The following ZNF618 variants were observed in gnomAD, a reference collection of about 807,000 sequenced individuals.
ZNF618 encodes neural precursor cell expressed, developmentally down-regulated 10.
In ZNF618, 34 loss-of-function variants were observed where a neutral mutation model predicts 103.0. The observed-to-expected ratio is 0.33, with a 90% CI of 0.25 to 0.44. The LOEUF (loss-of-function observed/expected upper bound fraction) is 0.44, where lower values mean the gene tolerates loss of function less well. ZNF618 is among the 20% of genes least tolerant of loss of function. ZNF618 has a pLI of 1.00. For synonymous variants in ZNF618, 551 were observed against 542.2 expected, an observed-to-expected ratio of 1.02 and a Z score of -0.23; for missense variants, 1,059 against 1,295.4, an observed-to-expected ratio of 0.82 and a Z score of 2.80.
chr9:113,905,006 G>T (rs553253758), intron 1 of ZNF618, among the ~76,000 whole-genome samples: 1 of 152,286 alleles, frequency 6.6e-6, no homozygotes, highest in Admixed American at 6.5e-5. Context: ...ACATGTCTTT[G>T]TTGGGTACAG....
In ZNF618 at chr9:113,962,784, A is replaced by G. The variant is rs183584216; in HGVS notation, c.34-6333A>G. ...TGTCCCCAGCATTCCTGACCACCCT[A>G]TCCTTCCCTGTTCATGACTCCCCCG... On this transcript the variant is annotated intron_variant, in intron 1 of 14. Transcript: ENST00000374126. Among the ~76,000 whole-genome samples, 14 of 152,008 alleles carry G rather than the reference A, an allele frequency of 9.2e-5. No individual in the cohort carries two copies. In the East Asian group the frequency reaches 2.7e-3, roughly 29 times the overall value.
intron 1 of ZNF618, among the ~76,000 whole-genome samples, chr9:113,946,879 C>G (rs1835087776): frequency 1.3e-5 from 2 of 152,204 alleles, no homozygotes; most frequent in African/African-American, 4.8e-5. Context: ...TACAGAATTC[C>G]TGACAGGTGT....
chr9:113,937,876 C>T (rs1834164451), intron 1 of ZNF618, among the ~76,000 whole-genome samples: 1 of 151,752 alleles, frequency 6.6e-6, no homozygotes. Context: ...AATTATGTGC[C>T]TTTTTTTTGT....
intron 13 of ZNF618, among the ~76,000 whole-genome samples, chr9:114,046,242 A>G (rs1845638361): frequency 6.6e-6 from 1 of 152,158 alleles, no homozygotes; most frequent in South Asian, 2.1e-4. Context: ...AGAACTTCTA[A>G]TACAGTCATG....
intron 11 of ZNF618, among the ~76,000 whole-genome samples, chr9:114,032,371 C>T (rs1231458836): frequency 6.6e-6 from 1 of 152,178 alleles, no homozygotes; most frequent in Non-Finnish European, 1.5e-5. Context: ...CATCTGCTCT[C>T]CTGCTGGATT....
intron 3 of ZNF618, among the ~76,000 whole-genome samples, chr9:113,992,535 C>T (rs895790248): frequency 6.6e-6 from 1 of 152,110 alleles, no homozygotes; most frequent in East Asian, 1.9e-4. Flanking sequence ...TAACGTGTTC[C>T]TGGGGCACTT....
chr9:113,878,329 A>C (rs1189016748), intron 1 of ZNF618, among the ~76,000 whole-genome samples: 1 of 152,180 alleles, frequency 6.6e-6, no homozygotes, highest in African/African-American at 2.4e-5. Context: ...TATAACACCA[A>C]CTCAGCTGGT....
intron 2 of ZNF618, among the ~76,000 whole-genome samples, chr9:113,980,462 A>G (rs1052891900): frequency 6.6e-6 from 1 of 152,126 alleles, no homozygotes; most frequent in African/African-American, 2.4e-5. Context: ...GTCTAGCTGT[A>G]TAGTCCCAGC....
At chr9:113,968,962 A>G (rs1010510080) in intron 1 of ZNF618, among the ~76,000 whole-genome samples, 155 bp from the exon 2 acceptor site, 1 of 152,166 alleles carries the variant, frequency 6.6e-6, no homozygotes, top group Non-Finnish European at 1.5e-5. Flanking sequence ...ACTGGGCACA[A>G]GTTTGTCCAG....
chr9:113,930,193 A>C (rs913839312), intron 1 of ZNF618, among the ~76,000 whole-genome samples: 1 of 152,174 alleles, frequency 6.6e-6, no homozygotes, highest in African/African-American at 2.4e-5. Flanking sequence ...ATTTCCCCCA[A>C]GTTTTTTGGG....
chr9:113,989,666 C>G (rs1040457781), intron 3 of ZNF618, among the ~76,000 whole-genome samples: 5 of 152,238 alleles, frequency 3.3e-5, no homozygotes, highest in African/African-American at 1.2e-4. Context: ...TACTGACTTC[C>G]AAGCACCTCC....
At chr9:113,964,650 C>T (rs1837190226) in intron 1 of ZNF618, among the ~76,000 whole-genome samples, 1 of 151,518 alleles carries the variant, frequency 6.6e-6, no homozygotes, top group South Asian at 2.1e-4. Flanking sequence ...TCTATCCATC[C>T]AGGAGGAATC....
chr9:114,008,560 C>G lies in ZNF618; in HGVS notation c.754+6C>G. 1.2e-6 allele frequency: 2 copies of G among 1,613,608 alleles called. No individual in the cohort carries two copies. Among genetic ancestry groups the G allele is most frequent in the Non-Finnish European group, 1.7e-6 (2 of 1,179,758 alleles). The stretch of plus-strand genomic sequence containing the variant: ...ATTCCAGAAAATCGGGCCAAGTATG[C>G]GGGATTCCCTCTGGGGCCAAGGGCT... On this transcript the variant is annotated splice_donor_region_variant and intron_variant, in intron 9 of 14. Coordinates refer to ENST00000374126, the MANE Select transcript of ZNF618 (RefSeq NM_001318042.2).
At chr9:114,037,580 C>G (rs1844735037) in intron 13 of ZNF618, among the ~76,000 whole-genome samples, 1 of 152,136 alleles carries the variant, frequency 6.6e-6, no homozygotes, top group South Asian at 2.1e-4. Flanking sequence ...TGAGACGTGC[C>G]TGACATAATG....
chr9:113,943,349 G>A (rs955371885), intron 1 of ZNF618, among the ~76,000 whole-genome samples: 1 of 152,188 alleles, frequency 6.6e-6, no homozygotes, highest in African/African-American at 2.4e-5. Context: ...AAGGGGGAGA[G>A]AGGGAAGAGA....
At chr9:114,007,567 A>C (rs1217197607) in intron 7 of ZNF618, 128 bp downstream of exon 7, 3 of 786,046 alleles carry the variant, frequency 3.8e-6, no homozygotes, top group Non-Finnish European at 6.0e-6. Flanking sequence ...AGCTGGAACC[A>C]TGAGGGGAAT....
intron 13 of ZNF618, among the ~76,000 whole-genome samples, chr9:114,043,082 G>A (rs1845357014): frequency 1.3e-5 from 2 of 152,260 alleles, no homozygotes; most frequent in South Asian, 4.1e-4. Flanking sequence ...TTGCTGAGTT[G>A]TATTTCATTA....
At chr9:114,046,457 A>T (rs1845663075) in intron 13 of ZNF618, among the ~76,000 whole-genome samples, 1 of 152,250 alleles carries the variant, frequency 6.6e-6, no homozygotes. Flanking sequence ...CTAGGTGTAT[A>T]ATAGGATATA....
rs1370748748 is a variant in ZNF618, at chr9:114,054,916, ATT to A, written c.*4750_*4751del. On this transcript the variant is annotated 3_prime_UTR_variant, in exon 15 of 15. Transcript: ENST00000374126. ...AGATTGTCAGGTCACTGTTTGACAT[ATT>A]CATGCCCCGTCCCTTCCCCCCCCAC... 1 of 151,458 alleles carries A rather than the reference ATT, an allele frequency of 6.6e-6. No individual in the cohort carries two copies. 9.4% of individuals were successfully genotyped at this position (151,458 alleles called of 1,614,324 possible). A position where few individuals can be genotyped will look rare whatever the true frequency, so the allele number is the denominator to read the frequency against.
Sources: allele counts gnomAD v4.1 joint callset (sites outside exome capture counted in the v4.1 genomes callset), GRCh38; gene constraint gnomAD v4.1.1; transcripts MANE v1.5; gene names NCBI Gene and HGNC (gene_info 2026-07-23, HGNC 2026-07-21).